The following PICALM variants were observed in gnomAD, a reference collection of about 807,000 sequenced individuals.
The protein encoded by PICALM is phosphatidylinositol binding clathrin assembly protein, also known as phosphatidylinositol-binding clathrin assembly protein.
PICALM carries 40 observed loss-of-function variants against 80.5 expected under a neutral mutation model. The ratio of observed to expected loss-of-function variants is 0.50; its 90% CI spans 0.39 to 0.65. PICALM has a LOEUF of 0.65. Ranked by LOEUF, PICALM falls within the 30% of genes least tolerant of loss-of-function variation. The pLI is 0.00. For synonymous variants in PICALM, 288 were observed against 260.3 expected (o/e 1.11, Z -1.02); for missense variants, 676 against 778.9 (o/e 0.87, Z 1.57).
intron 1 of PICALM, among the ~76,000 whole-genome samples, chr11:86,040,003 CAAAAAAAAAA>C (rs752086947): frequency 3.7e-5 from 2 of 53,384 alleles, no homozygotes; most frequent in Non-Finnish European, 7.1e-5. Context: ...GACGCCGTCT[CAAAAAAAAAA>C]AAAAAAAAAA....
In PICALM at chr11:85,957,216, G is replaced by C. The variant is rs2093562321; in HGVS notation, c.*1830C>G. Among the ~76,000 whole-genome samples, 1 of 152,112 alleles carries C rather than the reference G, an allele frequency of 6.6e-6. No homozygotes were observed. The highest frequency in any genetic ancestry group is 1.5e-5 in the Non-Finnish European group (1 of 68,010). ...TTAATAATACTGAAACTTAAAAGCT[G>C]ATAAAATTTATTGGCTACGACTACA... On this transcript the variant is annotated 3_prime_UTR_variant, in exon 20 of 20. Coordinates refer to ENST00000393346, the MANE Select transcript of PICALM (RefSeq NM_007166.4).
intron 1 of PICALM, among the ~76,000 whole-genome samples, chr11:86,052,850 C>A (rs1019243799): frequency 6.6e-6 from 1 of 152,150 alleles, no homozygotes; most frequent in Non-Finnish European, 1.5e-5. Context: ...CCAACCTGTC[C>A]CTCTCACAGT....
intron 7 of PICALM, among the ~76,000 whole-genome samples, chr11:86,008,457 T>C (rs1471891002): frequency 6.6e-6 from 1 of 151,946 alleles, no homozygotes; most frequent in East Asian, 1.9e-4. Context: ...CCAGCTCTAC[T>C]AAAAATACAA....
chr11:85,977,318 T>C (rs974094888), intron 17 of PICALM, among the ~76,000 whole-genome samples: 9 of 152,218 alleles, frequency 5.9e-5, no homozygotes, highest in African/African-American at 2.2e-4. Flanking sequence ...TTAGGTCAGT[T>C]TATGCTTTCA....
chr11:86,045,198 A>G (rs978649537), intron 1 of PICALM, among the ~76,000 whole-genome samples: 1 of 152,204 alleles, frequency 6.6e-6, no homozygotes, highest in Non-Finnish European at 1.5e-5. Context: ...ATAAAGCCAG[A>G]GTTATTTTTC....
chr11:85,962,436 C>G (rs1299885402), intron 19 of PICALM, among the ~76,000 whole-genome samples: 1 of 152,150 alleles, frequency 6.6e-6, no homozygotes, highest in Non-Finnish European at 1.5e-5. Context: ...TATGATAGCC[C>G]CACACCGAAA....
intron 8 of PICALM, chr11:86,003,694 A>C: frequency 3.2e-6 from 1 of 314,008 alleles, no homozygotes; most frequent in Non-Finnish European, 5.8e-6. Context: ...TGTAAACATG[A>C]AACATTTTTT....
intron 1 of PICALM, among the ~76,000 whole-genome samples, chr11:86,044,860 G>A (rs573296300): frequency 3.6e-4 from 55 of 152,326 alleles, no homozygotes; most frequent in Non-Finnish European, 2.5e-4. Context: ...TATGATCGAG[G>A]TGGAACAGTT....
chr11:86,056,167 A>C (rs1350356007), intron 1 of PICALM, among the ~76,000 whole-genome samples: 1 of 140,212 alleles, frequency 7.1e-6, no homozygotes, highest in East Asian at 2.1e-4. Flanking sequence ...ACCCTTGAAA[A>C]ATTAGACTTG....
rs988472139 is a variant in PICALM at position 85,957,258 on chromosome 11, A to G, written c.*1788T>C. On this transcript the variant is annotated 3_prime_UTR_variant, in exon 20 of 20. Coordinates refer to ENST00000393346, the MANE Select transcript of PICALM (RefSeq NM_007166.4). ...ACGACTACATTTTTTCTCCAATCAC[A>G]GCAAATATTATGAGACACTTATCAA... Among the ~76,000 whole-genome samples, 5 of 152,226 alleles carry G rather than the reference A, an allele frequency of 3.3e-5. No homozygotes were observed. Among genetic ancestry groups the G allele is most frequent in the African/African-American group, 4.8e-5 (2 of 41,454 alleles).
chr11:86,060,127 T>C (rs1361859607), intron 1 of PICALM, among the ~76,000 whole-genome samples: 2 of 152,128 alleles, frequency 1.3e-5, no homozygotes, highest in Non-Finnish European at 2.9e-5. Context: ...CCAAAATTAC[T>C]TTGAGAATTC....
intron 12 of PICALM, among the ~76,000 whole-genome samples, chr11:85,991,039 G>A (rs1167120771): frequency 6.6e-6 from 1 of 152,080 alleles, no homozygotes; most frequent in Non-Finnish European, 1.5e-5. Context: ...ATTGCTAAAG[G>A]AACAACAAAA....
chr11:86,046,076 T>C (rs1046582880), intron 1 of PICALM, among the ~76,000 whole-genome samples: 1 of 152,330 alleles, frequency 6.6e-6, no homozygotes, highest in African/African-American at 2.4e-5. Flanking sequence ...TAAAGTTAAT[T>C]TCTCCCATTA....
chr11:86,039,839 T>C (rs1488815805), intron 1 of PICALM, among the ~76,000 whole-genome samples: 2 of 151,428 alleles, frequency 1.3e-5, no homozygotes, highest in African/African-American at 2.4e-5. Flanking sequence ...CCATCTCTAC[T>C]AAAAATACAA....
chr11:86,063,924 T>C (rs1378805418), intron 1 of PICALM, among the ~76,000 whole-genome samples: 1 of 152,126 alleles, frequency 6.6e-6, no homozygotes, highest in African/African-American at 2.4e-5. Flanking sequence ...AAAGATATCC[T>C]GGGACAGATC....
intron 9 of PICALM, 102 bp downstream of exon 9, chr11:86,003,264 A>T: frequency 1.7e-6 from 1 of 592,440 alleles, no homozygotes; most frequent in Non-Finnish European, 3.1e-6. Flanking sequence ...TAGAAAATGA[A>T]ATCAAGATAT....
chr11:85,982,453 C>T (rs1363322851), intron 14 of PICALM, among the ~76,000 whole-genome samples: 2 of 41,478 alleles, frequency 4.8e-5, no homozygotes, highest in Non-Finnish European at 9.3e-5. Context: ...CGGAGTCTTG[C>T]TCTGTCGCCC....
chr11:85,990,036 CATCAAGAGAA>C (rs1338064891), intron 13 of PICALM, among the ~76,000 whole-genome samples: 3 of 93,768 alleles, frequency 3.2e-5, no homozygotes, highest in Non-Finnish European at 4.4e-5. Flanking sequence ...AAAAGTTCAA[CATCAAGAGAA>C]ATTTTCCTAA....
At chr11:86,004,653 GTAGCATTTACT>G (rs2095239553) in intron 8 of PICALM, among the ~76,000 whole-genome samples, 1 of 152,044 alleles carries the variant, frequency 6.6e-6, no homozygotes, top group Non-Finnish European at 1.5e-5. Context: ...AAATGCACCA[GTAGCATTTACT>G]TACCCTAAAT....
Sources: allele counts gnomAD v4.1 joint callset (sites outside exome capture counted in the v4.1 genomes callset), GRCh38; gene constraint gnomAD v4.1.1; transcripts MANE v1.5; gene names NCBI Gene and HGNC (gene_info 2026-07-23, HGNC 2026-07-21).